AADAC: variants seen among roughly 807,000 people sequenced by gnomAD.
AADAC encodes the protein arylacetamide deacetylase (esterase).
Under a neutral mutation model 22.7 loss-of-function variants are expected in AADAC, and 17 were observed. That is an observed-to-expected ratio of 0.75 (90% confidence interval 0.51 to 1.12). AADAC has a LOEUF of 1.12. AADAC is among the 50% of genes most tolerant of loss of function. The pLI, the probability that AADAC is intolerant of heterozygous loss-of-function variation, is 0.00. For synonymous variants in AADAC, 167 were observed against 176.3 expected (o/e 0.95, Z 0.42); for missense variants, 465 against 473.9 (o/e 0.98, Z 0.17).
intron 1 of AADAC, 120 bp from the exon 2 acceptor site, chr3:151,817,246 G>A (rs1716026686): frequency 1.3e-6 from 1 of 798,196 alleles, no homozygotes; most frequent in Non-Finnish European, 2.0e-6. Flanking sequence ...CAGGATTCAT[G>A]CATGAAAATT....
Position 151,827,560 on chromosome 3 carries a change from T to G in AADAC, c.604-16T>G, listed in dbSNP as rs201095759. On this transcript the variant is annotated splice_polypyrimidine_tract_variant and intron_variant, in intron 4 of 4. Coordinates refer to ENST00000232892, the MANE Select transcript of AADAC (RefSeq NM_001086.3). ...TTTAAATGAAAATGATTTGTGCAAA[T>G]CATCTTGCTTCTCAGCTCCTTGATG... 2.7e-5 allele frequency: 40 copies of G among 1,463,816 alleles called. No homozygotes were observed. Among genetic ancestry groups the G allele is most frequent in the Non-Finnish European group, 3.7e-5 (40 of 1,081,520 alleles). 90.7% of individuals were successfully genotyped at this position (1,463,816 alleles called of 1,614,324 possible). A position where few individuals can be genotyped will look rare whatever the true frequency, so the allele number is the denominator to read the frequency against.
At chr3:151,817,036 GA>G (rs1716015739) in intron 1 of AADAC, among the ~76,000 whole-genome samples, 2 of 151,976 alleles carry the variant, frequency 1.3e-5, no homozygotes, top group Non-Finnish European at 2.9e-5. Flanking sequence ...TTTCTCTACA[GA>G]TGCAAATCAC....
chr3:151,824,250 A>G (rs1212442891), intron 3 of AADAC, among the ~76,000 whole-genome samples: 1 of 152,056 alleles, frequency 6.6e-6, no homozygotes, highest in Non-Finnish European at 1.5e-5. Flanking sequence ...CAAACAATAG[A>G]GTACTATACA....
chr3:151,817,783 C>T lies in AADAC; in HGVS notation c.361+195C>T, dbSNP rs545777313. Among the ~76,000 whole-genome samples the T allele has an allele frequency of 5.3e-4, 80 of 152,094 alleles. 1 individual carries two copies. The highest frequency in any genetic ancestry group is 1.1e-3 in the Non-Finnish European group (78 of 67,948). On this transcript the variant is annotated intron_variant, in intron 2 of 4. Coordinates refer to ENST00000232892, the MANE Select transcript of AADAC (RefSeq NM_001086.3). ...TCCACATATGCATTTCCTCATCAACCCAGGTAGAGGTGAGAAGAAACTTTT... is the reference window on the plus strand; with the variant it reads ...TCCACATATGCATTTCCTCATCAACTCAGGTAGAGGTGAGAAGAAACTTTT...
chr3:151,828,236 G>C lies in AADAC; in HGVS notation c.*64G>C. 1 of 1,111,552 alleles carries C rather than the reference G, an allele frequency of 9.0e-7. No individual in the cohort carries two copies. Among genetic ancestry groups the C allele is most frequent in the Non-Finnish European group, 1.2e-6 (1 of 817,444 alleles). The allele number at this position is 1,111,552 out of a possible 1,614,324, so 68.9% of individuals were successfully genotyped here. A position where few individuals can be genotyped will look rare whatever the true frequency, so the allele number is the denominator to read the frequency against. ...TGAAAACCTCAGAAAATTTGCATTAGAAATTGGTCTTTCTTAGAATGGTCT... is the reference window on the plus strand; with the variant it reads ...TGAAAACCTCAGAAAATTTGCATTACAAATTGGTCTTTCTTAGAATGGTCT... On this transcript the variant is annotated 3_prime_UTR_variant, in exon 5 of 5. Transcript: ENST00000232892.
intron 1 of AADAC, 58 bp downstream of exon 1, chr3:151,814,358 T>C (rs1400657869): frequency 6.6e-7 from 1 of 1,504,178 alleles, no homozygotes; most frequent in Non-Finnish European, 8.9e-7. Context: ...ACCCAGAGAA[T>C]TAAGTTTTTC....
At chr3:151,816,618 T>C (rs555396963) in intron 1 of AADAC, among the ~76,000 whole-genome samples, 2 of 152,120 alleles carry the variant, frequency 1.3e-5, no homozygotes, top group Admixed American at 6.5e-5. Context: ...GGGGTCACAA[T>C]AAAACTTCAT....
intron 4 of AADAC, 35 bp downstream of exon 4, chr3:151,824,869 C>G (rs778630412): frequency 1.4e-6 from 2 of 1,428,062 alleles, no homozygotes. Flanking sequence ...TTAAAAATAG[C>G]GTTTCTACGC....
intron 1 of AADAC, among the ~76,000 whole-genome samples, chr3:151,816,423 C>T (rs1187736723): frequency 6.6e-6 from 1 of 152,050 alleles, no homozygotes; most frequent in Non-Finnish European, 1.5e-5. Flanking sequence ...ACCTGCTGTT[C>T]GCTCCCAAAG....
intron 3 of AADAC, 143 bp downstream of exon 3, chr3:151,820,595 G>A: frequency 2.4e-6 from 1 of 419,646 alleles, no homozygotes; most frequent in Non-Finnish European, 4.0e-6. Flanking sequence ...TCGGCTCCCT[G>A]CAACCTCCTC....
intron 2 of AADAC, among the ~76,000 whole-genome samples, chr3:151,819,011 G>A (rs950815006): frequency 1.3e-5 from 2 of 151,952 alleles, no homozygotes; most frequent in Non-Finnish European, 2.9e-5. Context: ...ACTCTAGAGA[G>A]GAAGAATAAA....
chr3:151,821,365 A>C (rs1716249009), intron 3 of AADAC, among the ~76,000 whole-genome samples: 1 of 152,042 alleles, frequency 6.6e-6, no homozygotes, highest in Admixed American at 6.6e-5. Context: ...ATGTTAGATA[A>C]ATAATCCACC....
chr3:151,827,489 AAG>A (rs1560314513), intron 4 of AADAC, 85 bp from the exon 5 acceptor site: 2 of 848,926 alleles, frequency 2.4e-6, no homozygotes, highest in African/African-American at 3.4e-5. Flanking sequence ...AGATAAAAAC[AAG>A]ATAGATAGAC....
intron 1 of AADAC, among the ~76,000 whole-genome samples, chr3:151,816,788 G>C (rs1332446854): frequency 6.6e-6 from 1 of 151,918 alleles, no homozygotes; most frequent in Non-Finnish European, 1.5e-5. Flanking sequence ...TGAGGTTACA[G>C]AAAGAATGGT....
chr3:151,826,138 G>T (rs1384745691), intron 4 of AADAC, among the ~76,000 whole-genome samples: 1 of 151,916 alleles, frequency 6.6e-6, no homozygotes, highest in African/African-American at 2.4e-5. Flanking sequence ...GCTAGAATCT[G>T]TTGGACAATA....
chr3:151,820,281 T>G, intron 2 of AADAC, 102 bp from the exon 3 acceptor site: 3 of 679,654 alleles, frequency 4.4e-6, no homozygotes, highest in African/African-American at 1.8e-5. Context: ...AAAATAGAAC[T>G]GCCAGAACGT....
chr3:151,821,374 C>T (rs1716249366), intron 3 of AADAC, among the ~76,000 whole-genome samples: 1 of 151,880 alleles, frequency 6.6e-6, no homozygotes, highest in East Asian at 1.9e-4. Flanking sequence ...AAATAATCCA[C>T]CTATGGAAAG....
rs1255543404 is a variant in AADAC, at chr3:151,817,443, A to G, written c.216A>G (p.Pro72=). The G allele has an allele frequency of 1.2e-6, 2 of 1,613,650 alleles. No homozygotes were observed. The highest frequency in any genetic ancestry group is 2.2e-5 in the East Asian group (1 of 44,888). ...TTGTCGGGAGCTTTGATGAAGTCCC[A>G]CCAACCTCAGATGAAAATGTCACTG... ...FKVVGSFDEV[P]PTSDENVTVT... is the part of the protein sequence containing the mutation. The change falls in exon 2 of 5, where the codon CCA becomes CCG. Residue 72 remains proline (P), a synonymous_variant. Transcript: ENST00000232892.
At chr3:151,827,146 T>C (rs1405696521) in intron 4 of AADAC, among the ~76,000 whole-genome samples, 2 of 151,854 alleles carry the variant, frequency 1.3e-5, no homozygotes, top group Non-Finnish European at 2.9e-5. Flanking sequence ...ACTCCTGACC[T>C]CAAGCAATCC....
Sources: allele counts gnomAD v4.1 joint callset (sites outside exome capture counted in the v4.1 genomes callset), GRCh38; gene constraint gnomAD v4.1.1; transcripts MANE v1.5; gene names NCBI Gene and HGNC (gene_info 2026-07-23, HGNC 2026-07-21).